Variants in NOTCH1 observed in about 807,000 individuals in gnomAD.
NOTCH1 encodes notch receptor 1.
Under a neutral mutation model 254.8 loss-of-function variants are expected in NOTCH1, and 37 were observed. That is an observed-to-expected ratio of 0.15 (90% CI 0.11 to 0.19). NOTCH1 has a LOEUF of 0.19. Among genes scored for constraint, NOTCH1 ranks in the 10% least tolerant of loss-of-function variants. NOTCH1 has a pLI of 1.00. For synonymous variants in NOTCH1, 1,731 were observed against 1,618.1 expected (o/e 1.07, Z -1.68); for missense variants, 2,972 against 3,708.6 (o/e 0.80, Z 5.16).
intron 22 of NOTCH1, 49 bp from the exon 23 acceptor site, chr9:136,507,022 C>T (rs749693201): frequency 6.3e-7 from 1 of 1,583,972 alleles, no homozygotes; most frequent in South Asian, 1.1e-5. Context: ...CACCCCGGCC[C>T]TGCCGTGCCG....
intron 21 of NOTCH1, 85 bp from the exon 22 acceptor site, chr9:136,507,522 G>C: frequency 1.3e-6 from 2 of 1,531,214 alleles, no homozygotes; most frequent in South Asian, 2.4e-5. Context: ...AGGGCTGACA[G>C]GGCCACATGA....
At chr9:136,544,310 C>T (rs1843779248) in intron 1 of NOTCH1, among the ~76,000 whole-genome samples, 1 of 152,164 alleles carries the variant, frequency 6.6e-6, no homozygotes, top group Non-Finnish European at 1.5e-5. Context: ...AACATTCTGC[C>T]CAGAGTTCTG....
At chr9:136,512,662 C>G (rs568253805) in intron 15 of NOTCH1, among the ~76,000 whole-genome samples, 1 of 152,336 alleles carries the variant, frequency 6.6e-6, no homozygotes, top group South Asian at 2.1e-4. Context: ...GACCCAGGCC[C>G]GGCCCTGCTA....
chr9:136,543,746 T>C lies in NOTCH1; in HGVS notation c.140+278A>G, dbSNP rs557016439. 76 of 575,140 alleles carry C rather than the reference T, an allele frequency of 1.3e-4. No homozygotes were observed. In the Admixed American group the frequency reaches 1.9e-3, roughly 15 times the overall value. The allele number at this position is 575,140 out of a possible 1,614,324, so 35.6% of individuals were successfully genotyped here. A position where few individuals can be genotyped will look rare whatever the true frequency, so the allele number is the denominator to read the frequency against. ...TGTTTCTTGGGGACTTAAAGAAGAA[T>C]TGGGGTACTGGGACTCCCACTTAGT... is the stretch of plus-strand genomic sequence containing the variant. On this transcript the variant is annotated intron_variant, in intron 2 of 33. Coordinates refer to ENST00000651671, the MANE Select transcript of NOTCH1 (RefSeq NM_017617.5).
intron 2 of NOTCH1, chr9:136,543,796 C>T (rs1843768310): frequency 4.8e-6 from 3 of 623,880 alleles, no homozygotes; most frequent in Non-Finnish European, 8.7e-6. Context: ...AGGTGGCCCA[C>T]GGAGGAGTGC....
chr9:136,535,520 A>C lies in NOTCH1; in HGVS notation c.140+8504T>G, dbSNP rs1185652227. ...ATGGGTGCAGGGTGGGAGTGGGTGG[A>C]GGGGGGAGCACTCAGGATCCCTCCC... On this transcript the variant is annotated intron_variant, in intron 2 of 33. Coordinates refer to ENST00000651671, the MANE Select transcript of NOTCH1 (RefSeq NM_017617.5). Among the ~76,000 whole-genome samples, 53 of 33,228 alleles carry C rather than the reference A, an allele frequency of 1.6e-3. 1 individual carries two copies. The highest frequency in any genetic ancestry group is 4.8e-3 in the African/African-American group (22 of 4,600). 21.8% of individuals were successfully genotyped at this position (33,228 alleles called of 152,430 possible).
chr9:136,530,190 C>T (rs560311569), intron 2 of NOTCH1, among the ~76,000 whole-genome samples: 1 of 152,334 alleles, frequency 6.6e-6, no homozygotes, highest in Non-Finnish European at 1.5e-5. Context: ...GGGTCTGAGC[C>T]GGGGCCAGGC....
intron 2 of NOTCH1, among the ~76,000 whole-genome samples, chr9:136,542,143 A>T (rs1843740853): frequency 6.6e-6 from 1 of 152,172 alleles, no homozygotes; most frequent in Non-Finnish European, 1.5e-5. Flanking sequence ...TGTACCCCAA[A>T]GCACAGCGCT....
Position 136,506,828 on chromosome 9 carries a change from G to T in NOTCH1, c.3789C>A (p.Arg1263=), listed in dbSNP as rs369004626. 6.2e-7 allele frequency: 1 copy of T among 1,612,282 alleles called. No homozygotes were observed. Among genetic ancestry groups the T allele is most frequent in the South Asian group, 1.1e-5 (1 of 90,980 alleles). The stretch of plus-strand genomic sequence containing the variant: ...GGCACTCGTTGACATCCCCCTCACA[G>T]CGCTCACCCACGAAGCCCGGCGGGC... ...CTCPPGFVGE[R]CEGDVNECLS... is the part of the protein sequence containing the mutation. Residue 1263 remains arginine (R), a synonymous_variant, in exon 23 of 34, where the codon CGC becomes CGA. Transcript: ENST00000651671. This position sits in a 1 kb window ranked among gnomAD's most constrained non-coding sequence, Gnocchi z 4.5.
At chr9:136,536,204 C>G (rs1843654940) in intron 2 of NOTCH1, among the ~76,000 whole-genome samples, 1 of 152,210 alleles carries the variant, frequency 6.6e-6, no homozygotes, top group Non-Finnish European at 1.5e-5. Flanking sequence ...ATCCTCCCGA[C>G]AGGGAGAAGT....
At position 136,509,000 on chromosome 9, in the gene NOTCH1, G is replaced by A. The variant is rs1393225618; in HGVS notation, c.3041C>T (p.Thr1014Met). The A allele has an allele frequency of 1.3e-5, 20 of 1,560,822 alleles. No individual in the cohort carries two copies. In the East Asian group the frequency reaches 2.6e-4, roughly 20 times the overall value. ...SFTCLCPPGF[T>M]GSYCQHDVNE... ...GACATCGTGCTGGCAGTAGCTGCCC[G>A]TGAAGCCGGGTGGACACAGGCAGGT... The change falls in exon 19 of 34, where the codon ACG becomes ATG. Residue 1014 changes from threonine to methionine, a missense_variant. Physicochemically the swap from Thr to Met is moderately conservative, Grantham distance 81. Coordinates refer to ENST00000651671, the MANE Select transcript of NOTCH1 (RefSeq NM_017617.5).
intron 15 of NOTCH1, among the ~76,000 whole-genome samples, chr9:136,511,651 C>T (rs1274882307): frequency 6.6e-6 from 1 of 152,220 alleles, no homozygotes; most frequent in Non-Finnish European, 1.5e-5. Flanking sequence ...ACCCCGGACG[C>T]AAGCCCCCTC....
chr9:136,502,223 G>T (rs2133330570), intron 28 of NOTCH1, 49 bp downstream of exon 28: 1 of 1,531,436 alleles, frequency 6.5e-7, no homozygotes, highest in Non-Finnish European at 8.9e-7. Flanking sequence ...TGCTCGGCCA[G>T]GTCCCACCTC....
rs1421883940 is a variant in NOTCH1, at chr9:136,540,667, C to T, written c.140+3357G>A. ...AACTGAGGCTTGCATGACCTGATGACCCAAGGTCACAGAGCTAGTGGCCAG... is the reference window on the plus strand; with the variant it reads ...AACTGAGGCTTGCATGACCTGATGATCCAAGGTCACAGAGCTAGTGGCCAG... On this transcript the variant is annotated intron_variant, in intron 2 of 33. Transcript: ENST00000651671. This position sits in a 1 kb window ranked among gnomAD's most constrained non-coding sequence, Gnocchi z 4.4. 6.6e-6 allele frequency among the ~76,000 whole-genome samples: 1 copy of T among 151,892 alleles called. No homozygotes were observed. The highest frequency in any genetic ancestry group is 1.5e-5 in the Non-Finnish European group (1 of 68,006).
chr9:136,545,641 C>T lies in NOTCH1; in HGVS notation c.61+85G>A. The T allele has an allele frequency of 8.4e-7, 1 of 1,191,668 alleles. No homozygotes were observed. The highest frequency in any genetic ancestry group is 1.1e-6 in the Non-Finnish European group (1 of 885,772). The allele number at this position is 1,191,668 out of a possible 1,614,324, so 73.8% of individuals were successfully genotyped here. On this transcript the variant is annotated intron_variant, in intron 1 of 33. Transcript: ENST00000651671. This position sits in a 1 kb window ranked among gnomAD's most constrained non-coding sequence, Gnocchi z 6.8. ...ATGCTGGCCTCCCCGCCGCCCGCTC[C>T]CAGCCGTGGGGCGCGCGCGCCGGGC... is the stretch of plus-strand genomic sequence containing the variant.
intron 12 of NOTCH1, 84 bp from the exon 13 acceptor site, chr9:136,514,786 C>A: frequency 7.4e-7 from 1 of 1,353,354 alleles, no homozygotes; most frequent in East Asian, 2.4e-5. Context: ...GTCTGTTGAG[C>A]CGGGGCGATC....
At chr9:136,523,337 C>A (rs747117907) in intron 3 of NOTCH1, 149 bp from the exon 4 acceptor site, 21 of 877,988 alleles carry the variant, frequency 2.4e-5, no homozygotes, top group Non-Finnish European at 3.6e-5. Flanking sequence ...TGAGACCGGT[C>A]GCCTTTGGCA....
chr9:136,541,936 G>T (rs890165772), intron 2 of NOTCH1, among the ~76,000 whole-genome samples: 1 of 152,210 alleles, frequency 6.6e-6, no homozygotes, highest in South Asian at 2.1e-4. Flanking sequence ...CAGGCTTCCC[G>T]CCAAGAAGGA....
intron 2 of NOTCH1, among the ~76,000 whole-genome samples, chr9:136,526,368 G>A (rs1246869279): frequency 2.0e-5 from 3 of 152,216 alleles, no homozygotes; most frequent in Admixed American, 6.5e-5. Flanking sequence ...CGCTGAAGTC[G>A]GCAGGGGGTG....
Sources: allele counts gnomAD v4.1 joint callset (sites outside exome capture counted in the v4.1 genomes callset), GRCh38; gene constraint gnomAD v4.1.1; non-coding constraint Gnocchi (gnomAD v3.1); transcripts MANE v1.5; gene names NCBI Gene and HGNC (gene_info 2026-07-23, HGNC 2026-07-21).